Variants in LTBP1 observed in about 807,000 individuals in gnomAD.
The protein encoded by LTBP1 is latent transforming growth factor beta binding protein 1.
A neutral mutation model predicts 207.6 loss-of-function variants in LTBP1; 129 were observed. The observed-to-expected ratio is 0.62, with a 90% confidence interval of 0.54 to 0.72. The LOEUF (loss-of-function observed/expected upper bound fraction) is 0.72, where lower values mean the gene tolerates loss of function less well. LTBP1 is among the 30% of genes least tolerant of loss of function. LTBP1 has a pLI of 0.00. For synonymous variants in LTBP1, 963 were observed against 833.7 expected, an observed-to-expected ratio of 1.16 and a Z score of -2.67; for missense variants, 2,281 against 2,217.2, an observed-to-expected ratio of 1.03 and a Z score of -0.58.
At chr2:33,196,515 A>T (rs2088585737) in intron 7 of LTBP1, among the ~76,000 whole-genome samples, 1 of 152,140 alleles carries the variant, frequency 6.6e-6, no homozygotes, top group Non-Finnish European at 1.5e-5. Flanking sequence ...CCAAGGGCCA[A>T]TCTAAGAAGT....
chr2:33,148,521 A>G (rs927428552), intron 5 of LTBP1, among the ~76,000 whole-genome samples: 5 of 152,146 alleles, frequency 3.3e-5, no homozygotes, highest in Admixed American at 2.0e-4. Context: ...CAAAATTGCA[A>G]CTTTCCCTTC....
At chr2:33,238,637 C>T (rs1333149310) in intron 9 of LTBP1, among the ~76,000 whole-genome samples, 1 of 152,204 alleles carries the variant, frequency 6.6e-6, no homozygotes, top group Admixed American at 6.5e-5. Flanking sequence ...ACATTTTGTC[C>T]TAGTTGGACC....
intron 2 of LTBP1, among the ~76,000 whole-genome samples, chr2:32,962,636 A>C (rs1258007020): frequency 6.6e-6 from 1 of 152,242 alleles, no homozygotes; most frequent in Admixed American, 6.5e-5. Flanking sequence ...GAGAATGTAT[A>C]TTACAACAAA....
chr2:33,370,691 C>T (rs1001094188), intron 31 of LTBP1, among the ~76,000 whole-genome samples: 21 of 152,194 alleles, frequency 1.4e-4, no homozygotes, highest in Non-Finnish European at 2.9e-4. Flanking sequence ...ATATCTTAAT[C>T]GTTGAGAAGG....
At chr2:33,141,953 G>T (rs1258442414) in intron 5 of LTBP1, among the ~76,000 whole-genome samples, 1 of 152,146 alleles carries the variant, frequency 6.6e-6, no homozygotes, top group Non-Finnish European at 1.5e-5. Context: ...TGAAAAAAAG[G>T]ATACAGTCCT....
In LTBP1 at chr2:32,996,081, C is replaced by CT. The variant is rs1377788293; in HGVS notation, c.566-24825dup. On this transcript the variant is annotated intron_variant, in intron 2 of 33. Coordinates refer to ENST00000404816, the MANE Select transcript of LTBP1 (RefSeq NM_206943.4). ...CCAAGAACATCTTTTATGGCCTTGTCTTTGTTTTCTAACTTGATGGATTAT... is the reference window on the plus strand; with the variant it reads ...CCAAGAACATCTTTTATGGCCTTGTCTTTTGTTTTCTAACTTGATGGATTAT... Among the ~76,000 whole-genome samples, 22 of 152,226 alleles carry CT rather than the reference C, an allele frequency of 1.4e-4. No individual in the cohort carries two copies. In the East Asian group the frequency reaches 3.9e-3, roughly 27 times the overall value.
In LTBP1 at chr2:33,389,049, G is replaced by C. The variant is rs959725476; in HGVS notation, c.4712-135G>C. 15 of 1,220,446 alleles carry C rather than the reference G, an allele frequency of 1.2e-5. No individual in the cohort carries two copies. The African/African-American group carries it at 2.1e-4, about 17-fold the overall frequency. The allele number at this position is 1,220,446 out of a possible 1,614,324, so 75.6% of individuals were successfully genotyped here. A position where few individuals can be genotyped will look rare whatever the true frequency, so the allele number is the denominator to read the frequency against. On this transcript the variant is annotated intron_variant, in intron 31 of 33. Transcript: ENST00000404816. ...CAAAAGATATTCAGACACTTTCCAG[G>C]CTCAGTGGTACGCAGGAGATGGAGA...
intron 3 of LTBP1, among the ~76,000 whole-genome samples, chr2:33,032,388 T>C (rs2075731423): frequency 6.6e-6 from 1 of 152,254 alleles, no homozygotes; most frequent in South Asian, 2.1e-4. Flanking sequence ...TTTATAGCTT[T>C]GCCATAACTA....
At chr2:33,033,886 G>GTTT in intron 3 of LTBP1, among the ~76,000 whole-genome samples, 1 of 152,318 alleles carries the variant, frequency 6.6e-6, no homozygotes, top group African/African-American at 2.4e-5. Context: ...TCAGCAGGCA[G>GTTT]AAGCCTTTAA....
At chr2:32,955,304 GCTGC>G in intron 2 of LTBP1, among the ~76,000 whole-genome samples, 1 of 152,342 alleles carries the variant, frequency 6.6e-6, no homozygotes, top group East Asian at 1.9e-4. Flanking sequence ...GTCAAAGATT[GCTGC>G]ACATGCAGTT....
intron 9 of LTBP1, among the ~76,000 whole-genome samples, chr2:33,227,087 G>T (rs1442554024): frequency 1.3e-5 from 2 of 151,378 alleles, no homozygotes; most frequent in African/African-American, 4.9e-5. Context: ...CCAGACTGGA[G>T]TGCAGTGGCA....
intron 3 of LTBP1, among the ~76,000 whole-genome samples, chr2:33,095,836 AAG>A (rs2079355098): frequency 6.6e-6 from 1 of 152,036 alleles, no homozygotes; most frequent in Non-Finnish European, 1.5e-5. Flanking sequence ...CTAGAAAACA[AAG>A]AGAAAAATTA....
In LTBP1 at chr2:33,190,225, C is replaced by T. The variant is rs569216999; in HGVS notation, c.1701+1374C>T. Among the ~76,000 whole-genome samples the T allele has an allele frequency of 3.9e-5, 6 of 152,268 alleles. No individual in the cohort carries two copies. The South Asian group carries it at 6.2e-4, about 16-fold the overall frequency. ...CATTATGTGGTAATGATGGAGGCTTCGTTCTGTGGTTTCCCTCCTGTCTTT... is the reference window on the plus strand; with the variant it reads ...CATTATGTGGTAATGATGGAGGCTTTGTTCTGTGGTTTCCCTCCTGTCTTT... On this transcript the variant is annotated intron_variant, in intron 7 of 33. Transcript: ENST00000404816.
intron 3 of LTBP1, among the ~76,000 whole-genome samples, chr2:33,082,432 CTTTTTTTTTTTTTTTTTTTT>C (rs56058653): frequency 1.6e-3 from 47 of 29,322 alleles, no homozygotes; most frequent in African/African-American, 5.0e-3. Context: ...GTATGACTCA[CTTTTTTTTTTTTTTTTTTTT>C]TTTTTTTTTT....
chr2:33,009,606 A>G (rs1687396915), intron 2 of LTBP1, among the ~76,000 whole-genome samples: 2 of 152,232 alleles, frequency 1.3e-5, no homozygotes, highest in Admixed American at 1.3e-4. Context: ...TGAATAGATT[A>G]TCTTTCAGTC....
intron 5 of LTBP1, among the ~76,000 whole-genome samples, chr2:33,174,538 T>G (rs1039173590): frequency 4.6e-5 from 7 of 151,928 alleles, no homozygotes; most frequent in Non-Finnish European, 8.8e-5. Context: ...CATTCCATGC[T>G]CATGGGTAGG....
chr2:33,251,422 A>C (rs2092680465), intron 10 of LTBP1, among the ~76,000 whole-genome samples: 1 of 152,174 alleles, frequency 6.6e-6, no homozygotes, highest in South Asian at 2.1e-4. Context: ...GCACTTTGGG[A>C]GGCCGAGGCG....
intron 25 of LTBP1, 49 bp from the exon 26 acceptor site, chr2:33,347,318 T>C: frequency 1.2e-6 from 2 of 1,610,368 alleles, no homozygotes; most frequent in Non-Finnish European, 1.7e-6. Flanking sequence ...AATAGAGAGC[T>C]GTCGTGAATG....
At chr2:33,388,280 C>G (rs2095285114) in intron 31 of LTBP1, among the ~76,000 whole-genome samples, 1 of 152,096 alleles carries the variant, frequency 6.6e-6, no homozygotes, top group South Asian at 2.1e-4. Flanking sequence ...GCAATATGGC[C>G]TCAGGAGGTG....
Sources: allele counts gnomAD v4.1 joint callset (sites outside exome capture counted in the v4.1 genomes callset), GRCh38; gene constraint gnomAD v4.1.1; transcripts MANE v1.5; gene names NCBI Gene and HGNC (gene_info 2026-07-23, HGNC 2026-07-21).